Variants in BTN2A1 observed in about 807,000 individuals in gnomAD.
The protein encoded by BTN2A1 is butyrophilin, subfamily 2, member A1.
A neutral mutation model predicts 34.5 loss-of-function variants in BTN2A1; 41 were observed. The observed-to-expected ratio is 1.19, with a 90% confidence interval of 0.93 to 1.54. BTN2A1 has a LOEUF of 1.54. Ranked by LOEUF, BTN2A1 falls within the 40% of genes most tolerant of loss-of-function variation. The pLI is 0.00. For synonymous variants in BTN2A1, 267 were observed against 258.6 expected, an observed-to-expected ratio of 1.03 and a Z score of -0.31; for missense variants, 642 against 662.0, an observed-to-expected ratio of 0.97 and a Z score of 0.33.
chr6:26,475,627 G>A lies in BTN2A1; in HGVS notation c.983-495G>A, dbSNP rs144948204. Among the ~76,000 whole-genome samples the A allele has an allele frequency of 4.3e-3, 656 of 152,276 alleles. 6 individuals carry two copies. Among genetic ancestry groups the A allele is most frequent in the Middle Eastern group, 0.017 (5 of 292 alleles). ...TGAACTCAAAAAATGTACAGGATCA[G>A]CAGGGCATAGTGGCTCACGCCTGTA... On this transcript the variant is annotated intron_variant, in intron 7 of 7. Transcript: ENST00000469185.
At chr6:26,469,820 C>T (rs6456725), downstream of BTN2A1, among the ~76,000 whole-genome samples, 2 of 152,008 alleles carry the variant, frequency 1.3e-5, no homozygotes, top group African/African-American at 2.4e-5. Flanking sequence ...TATGAAAATA[C>T]GATTATTAAC....
rs559999076 is a variant in BTN2A1, at chr6:26,467,638, G to A, written c.983-310G>A. 10 of 1,416,574 alleles carry A rather than the reference G, an allele frequency of 7.1e-6. No individual in the cohort carries two copies. The South Asian group carries it at 1.4e-4, about 19-fold the overall frequency. 87.8% of individuals were successfully genotyped at this position (1,416,574 alleles called of 1,614,324 possible). A position where few individuals can be genotyped will look rare whatever the true frequency, so the allele number is the denominator to read the frequency against. ...GAGATCATATGTCTTGGATAGAAAA[G>A]GGAACACATCTTAGAATGCTGAGAG... On this transcript the variant is annotated intron_variant, in intron 7 of 7. Coordinates refer to ENST00000312541, the MANE Select transcript of BTN2A1 (RefSeq NM_007049.5).
intron 6 of BTN2A1, 33 bp downstream of exon 6, chr6:26,466,006 A>C (rs4712999): frequency 6.2e-7 from 1 of 1,614,184 alleles, no homozygotes; most frequent in Middle Eastern, 1.6e-4. Flanking sequence ...TACATGTACA[A>C]TTTGAGTTCT....
chr6:26,468,104 G>T lies in BTN2A1; in HGVS notation c.1139G>T (p.Ser380Ile), dbSNP rs750703640. 4.3e-5 allele frequency: 69 copies of T among 1,614,106 alleles called. No homozygotes were observed. In the Admixed American group the frequency reaches 7.2e-4, roughly 17 times the overall value. Reference sequence around the variant, plus strand: ...CAGCCTTGTGTCCTAGGCCGGGAGAGCTTCGCTTCAGGGAAACATTACTGG... The same window carrying T: ...CAGCCTTGTGTCCTAGGCCGGGAGATCTTCGCTTCAGGGAAACATTACTGG... The part of the protein sequence containing the change: ...DSQPCVLGRE[S>I]FASGKHYWEV... The change falls in exon 8 of 8, where the codon AGC (serine) becomes ATC (isoleucine). Residue 380 changes from serine (S) to isoleucine (I), a missense_variant. Transcript: ENST00000312541.
At chr6:26,464,944 G>T (rs1763268356) in intron 4 of BTN2A1, among the ~76,000 whole-genome samples, 1 of 152,196 alleles carries the variant, frequency 6.6e-6, no homozygotes, top group Non-Finnish European at 1.5e-5. Flanking sequence ...AGCATGACGG[G>T]TTAGCTTTAT....
At position 26,468,438 on chromosome 6, in the gene BTN2A1, G is replaced by A; in HGVS notation, c.1473G>A (p.Gly491=). 1 of 1,614,152 alleles carries A rather than the reference G, an allele frequency of 6.2e-7. No homozygotes were observed. ...CTGTGAGGCCCTTCTTCAGGTTGGGGTGTGAGGACAGCCCCATCTTCATCT... is the reference window on the plus strand; with the variant it reads ...CTGTGAGGCCCTTCTTCAGGTTGGGATGTGAGGACAGCCCCATCTTCATCT... ...SVPVRPFFRL[G]CEDSPIFICP... is the part of the protein sequence containing the mutation. The change falls in exon 8 of 8, where the codon GGG becomes GGA. Residue 491 remains glycine (G), a synonymous_variant. Transcript: ENST00000312541.
At chr6:26,470,261 C>T (rs1372295042), downstream of BTN2A1, among the ~76,000 whole-genome samples, 1 of 152,080 alleles carries the variant, frequency 6.6e-6, no homozygotes, top group East Asian at 1.9e-4. Context: ...ACAGGGAATC[C>T]TTGAACCCCA....
At chr6:26,464,217 T>C (rs1192451397) in intron 4 of BTN2A1, among the ~76,000 whole-genome samples, 1 of 152,168 alleles carries the variant, frequency 6.6e-6, no homozygotes, top group Non-Finnish European at 1.5e-5. Context: ...CAGGGGATTT[T>C]CCACAGGACA....
In BTN2A1 at chr6:26,459,820, T is replaced by C. The variant is rs1763114251; in HGVS notation, c.422T>C (p.Val141Ala). The stretch of plus-strand genomic sequence containing the variant: ...TACGATGAGGCCATCCTGCACCTCG[T>C]AGTGGCAGGTGCGTCGCTTCATTTT... Reference protein sequence around the residue: ...RSYDEAILHLVVAGLGSKPLI... With the variant: ...RSYDEAILHLAVAGLGSKPLI... Residue 141 changes from valine (V) to alanine (A), a missense_variant, in exon 3 of 8, where the codon GTA becomes GCA. Transcript: ENST00000312541. 6.2e-7 allele frequency: 1 copy of C among 1,611,948 alleles called. No homozygotes were observed. The highest frequency in any genetic ancestry group is 8.5e-7 in the Non-Finnish European group (1 of 1,178,422).
At chr6:26,471,308 GA>G (rs1763445148), downstream of BTN2A1, among the ~76,000 whole-genome samples, 1 of 152,180 alleles carries the variant, frequency 6.6e-6, no homozygotes, top group African/African-American at 2.4e-5. Context: ...TGGGGGCTGG[GA>G]AATGTAAGAC....
intron 3 of BTN2A1, 119 bp downstream of exon 3, chr6:26,459,947 C>CCACAGGGACACTA: frequency 1.1e-5 from 1 of 89,678 alleles, no homozygotes; most frequent in Non-Finnish European, 2.0e-5. Context: ...CTTTTCCACT[C>CCACAGGGACACTA]TCCCTGTGGA....
At position 26,466,088 on chromosome 6, in the gene BTN2A1, G is replaced by A. The variant is rs775467403; in HGVS notation, c.982G>A (p.Val328Ile). The A allele has an allele frequency of 3.2e-5, 51 of 1,613,508 alleles. No homozygotes were observed. The highest frequency in any genetic ancestry group is 4.0e-5 in the Non-Finnish European group (47 of 1,180,032). ...ATGGAGAAGAACATTCTTACATGCT[G>A]GTGAGTGCCTCTGATGTTCCCTCAG... is the stretch of plus-strand genomic sequence containing the variant. ...LRWRRTFLHAVDVVLDPDTAH... is the reference protein window; with the variant it reads ...LRWRRTFLHAIDVVLDPDTAH... Residue 328 changes from valine (V) to isoleucine (I), a missense_variant and splice_region_variant, in exon 7 of 8, where the codon GTT (valine) becomes ATT (isoleucine). Val to Ile is a conservative substitution (Grantham distance 29, BLOSUM62 3). Coordinates refer to ENST00000312541, the MANE Select transcript of BTN2A1 (RefSeq NM_007049.5).
chr6:26,466,923 T>C (rs1303277156), intron 7 of BTN2A1, among the ~76,000 whole-genome samples: 1 of 152,194 alleles, frequency 6.6e-6, no homozygotes, highest in Non-Finnish European at 1.5e-5. Flanking sequence ...GCCCGGAGTC[T>C]GGAGCATTTC....
intron 7 of BTN2A1, among the ~76,000 whole-genome samples, chr6:26,466,635 A>G (rs1763323635): frequency 6.6e-6 from 1 of 152,196 alleles, no homozygotes. Context: ...GTGGGAGAGC[A>G]CAGAACCCAA....
intron 7 of BTN2A1, among the ~76,000 whole-genome samples, chr6:26,466,988 A>T (rs1219828210): frequency 2.6e-5 from 4 of 152,152 alleles, no homozygotes; most frequent in Non-Finnish European, 2.9e-5. Context: ...TTGAAGCAAA[A>T]CTGGATGGGA....
rs1030971957 is a variant in BTN2A1 at position 26,461,813 on chromosome 6, A to G, written c.431-1431A>G. Among the ~76,000 whole-genome samples, 12 of 151,728 alleles carry G rather than the reference A, an allele frequency of 7.9e-5. No individual in the cohort carries two copies. The South Asian group carries it at 1.9e-3, about 24-fold the overall frequency. ...TAAATCAATAAATAAATAAATAAAT[A>G]AAAATAAGCCTGGGCAACATGGCAA... On this transcript the variant is annotated intron_variant, in intron 3 of 7. Coordinates refer to ENST00000312541, the MANE Select transcript of BTN2A1 (RefSeq NM_007049.5).
At chr6:26,461,921 T>G (rs1305724252) in intron 3 of BTN2A1, among the ~76,000 whole-genome samples, 1 of 152,016 alleles carries the variant, frequency 6.6e-6, no homozygotes, top group Non-Finnish European at 1.5e-5. Flanking sequence ...CTTGGGAGGC[T>G]GAGGTGGGAG....
Position 26,465,231 on chromosome 6 carries a change from C to G in BTN2A1, c.759C>G (p.Ile253Met). ...CTCCCTGTGCAGTGGCCCTGCCTAT[C>G]ATTGTGGTTATTCTGATGATACCCA... ...SVSPCAVALP[I>M]IVVILMIPIA... The change falls in exon 5 of 8, where the codon ATC (isoleucine) becomes ATG (methionine). Residue 253 changes from isoleucine (I) to methionine (M), a missense_variant. Ile to Met is a conservative substitution (Grantham distance 10, BLOSUM62 1). Transcript: ENST00000312541. 6.2e-7 allele frequency: 1 copy of G among 1,614,122 alleles called. No homozygotes were observed. Among genetic ancestry groups the G allele is most frequent in the African/African-American group, 1.3e-5 (1 of 75,024 alleles).
At chr6:26,462,180 G>A (rs1194388718) in intron 3 of BTN2A1, among the ~76,000 whole-genome samples, 2 of 152,188 alleles carry the variant, frequency 1.3e-5, no homozygotes, top group South Asian at 2.1e-4. Flanking sequence ...CCAGGACCAC[G>A]CTTTTGCAGC....
Sources: gnomAD v4.1 joint callset for allele counts (sites outside exome capture counted in the v4.1 genomes callset) on GRCh38, gnomAD v4.1.1 for gene constraint, MANE v1.5 for transcripts, NCBI Gene and HGNC (gene_info 2026-07-23, HGNC 2026-07-21) for gene names.